Variants in SPIN1 observed in about 807,000 individuals in gnomAD.
SPIN1 encodes the protein spindlin-1.
In SPIN1, 3 loss-of-function variants were observed where a neutral mutation model predicts 26.0. The observed-to-expected ratio is 0.12, with a 90% CI of 0.05 to 0.30. SPIN1 has a LOEUF of 0.30. Ranked by LOEUF, SPIN1 falls within the 10% of genes least tolerant of loss-of-function variation. SPIN1 has a pLI of 1.00. For synonymous variants in SPIN1, 101 were observed against 116.5 expected, an observed-to-expected ratio of 0.87 and a Z score of 0.86; for missense variants, 126 against 333.4, an observed-to-expected ratio of 0.38 and a Z score of 4.84.
intron 1 of SPIN1, among the ~76,000 whole-genome samples, chr9:88,410,278 T>A (rs1399426325): frequency 6.6e-6 from 1 of 151,948 alleles, no homozygotes; most frequent in Non-Finnish European, 1.5e-5. Context: ...AAAAAAAATC[T>A]ACATTAAAAC....
chr9:88,415,375 C>G (rs1162756509), intron 1 of SPIN1, among the ~76,000 whole-genome samples: 1 of 152,116 alleles, frequency 6.6e-6, no homozygotes, highest in Non-Finnish European at 1.5e-5. Flanking sequence ...TAGCTAAAGG[C>G]AGAACCTACA....
intron 3 of SPIN1, 68 bp downstream of exon 3, chr9:88,449,057 C>A: frequency 6.6e-7 from 1 of 1,511,536 alleles, no homozygotes; most frequent in Non-Finnish European, 9.2e-7. Context: ...TACAAGATCA[C>A]CTAGGTAAGG....
chr9:88,466,139 C>T (rs1050895810), intron 4 of SPIN1, among the ~76,000 whole-genome samples: 10 of 151,956 alleles, frequency 6.6e-5, no homozygotes, highest in Admixed American at 3.3e-4. Context: ...TTTTTTAGGT[C>T]TGTAGTAATT....
At chr9:88,399,710 G>C (rs1189138392) in intron 1 of SPIN1, among the ~76,000 whole-genome samples, 2 of 152,128 alleles carry the variant, frequency 1.3e-5, no homozygotes, top group Non-Finnish European at 2.9e-5. Flanking sequence ...GCACCCTTCA[G>C]TTGCTGCACA....
chr9:88,416,735 T>C (rs1468422943), intron 1 of SPIN1: 1 of 152,312 alleles, frequency 6.6e-6, no homozygotes, highest in Non-Finnish European at 1.5e-5. Flanking sequence ...GTGATTCTCC[T>C]GCCTCAGCCT....
chr9:88,460,764 C>G (rs532693778), intron 3 of SPIN1, among the ~76,000 whole-genome samples: 4 of 152,272 alleles, frequency 2.6e-5, no homozygotes, highest in Admixed American at 6.5e-5. Flanking sequence ...TTATGGCCAC[C>G]CACATTGGTG....
chr9:88,398,503 T>A (rs1827116372), intron 1 of SPIN1, among the ~76,000 whole-genome samples: 1 of 151,850 alleles, frequency 6.6e-6, no homozygotes, highest in Non-Finnish European at 1.5e-5. Context: ...AAATTGAGGG[T>A]GTCTGGTTGG....
At chr9:88,431,255 ACTC>A (rs1827864136) in intron 2 of SPIN1, among the ~76,000 whole-genome samples, 1 of 147,430 alleles carries the variant, frequency 6.8e-6, no homozygotes, top group Non-Finnish European at 1.5e-5. Context: ...TGTACCTACT[ACTC>A]AAATTTAACA....
intron 5 of SPIN1, among the ~76,000 whole-genome samples, chr9:88,470,864 G>T (rs190847987): frequency 6.6e-6 from 1 of 152,230 alleles, no homozygotes; most frequent in South Asian, 2.1e-4. Context: ...AAAGGGCCGG[G>T]ATTACAGACA....
intron 4 of SPIN1, among the ~76,000 whole-genome samples, chr9:88,463,295 T>C (rs1828606384): frequency 6.6e-6 from 1 of 152,232 alleles, no homozygotes; most frequent in African/African-American, 2.4e-5. Context: ...GCCCTGCAAG[T>C]GTTCCTTAAG....
rs1185460638 is a variant in SPIN1, at chr9:88,429,678, G to C, written c.52+3087G>C. ...CTATCTGGAAGCTCTTCTAAACTCTGTCTTTTGTGGTTTTTATGGAAGCTT... is the reference window on the plus strand; with the variant it reads ...CTATCTGGAAGCTCTTCTAAACTCTCTCTTTTGTGGTTTTTATGGAAGCTT... On this transcript the variant is annotated intron_variant, in intron 2 of 5. Transcript: ENST00000375859. Among the ~76,000 whole-genome samples, 10 of 152,260 alleles carry C rather than the reference G, an allele frequency of 6.6e-5. No individual in the cohort carries two copies. In the East Asian group the frequency reaches 1.9e-3, roughly 29 times the overall value.
chr9:88,405,997 T>TTGTGTGTG (rs1212598381), intron 1 of SPIN1, among the ~76,000 whole-genome samples: 3 of 138,840 alleles, frequency 2.2e-5, no homozygotes, highest in African/African-American at 8.0e-5. Flanking sequence ...CGTGCCTGGC[T>TTGTGTGTG]TGTGTGTCTG....
At chr9:88,405,663 C>T (rs1199947590) in intron 1 of SPIN1, among the ~76,000 whole-genome samples, 2 of 151,444 alleles carry the variant, frequency 1.3e-5, no homozygotes, top group Admixed American at 6.6e-5. Context: ...TCTGCCTCAG[C>T]CTCCTGAGTA....
At chr9:88,454,838 C>T (rs1828438444) in intron 3 of SPIN1, among the ~76,000 whole-genome samples, 1 of 152,214 alleles carries the variant, frequency 6.6e-6, no homozygotes, top group Non-Finnish European at 1.5e-5. Flanking sequence ...GCAGCTTGTG[C>T]ATTCAAGCCC....
Position 88,478,065 on chromosome 9 carries a change from A to G in SPIN1, c.*2788A>G, listed in dbSNP as rs1828919194. 1 of 152,150 alleles carries G rather than the reference A, an allele frequency of 6.6e-6. No individual in the cohort carries two copies. Among genetic ancestry groups the G allele is most frequent in the Admixed American group, 6.5e-5 (1 of 15,272 alleles). 9.4% of individuals were successfully genotyped at this position (152,150 alleles called of 1,614,324 possible). A position where few individuals can be genotyped will look rare whatever the true frequency, so the allele number is the denominator to read the frequency against. ...GCCGTTTTAGTGGTTTTAGGATAAA[A>G]ATGCACTGGTGAAGCAAATGTAGTG... On this transcript the variant is annotated 3_prime_UTR_variant, in exon 6 of 6. Transcript: ENST00000375859.
At chr9:88,435,309 G>C (rs186716159) in intron 2 of SPIN1, among the ~76,000 whole-genome samples, 53 of 151,652 alleles carry the variant, frequency 3.5e-4, no homozygotes, top group Non-Finnish European at 5.4e-4. Context: ...TCGACCTCCT[G>C]GACTCAAGCG....
chr9:88,425,698 A>G (rs921215917), intron 1 of SPIN1, among the ~76,000 whole-genome samples: 2 of 151,668 alleles, frequency 1.3e-5, no homozygotes, highest in African/African-American at 2.4e-5. Flanking sequence ...AAGATACACT[A>G]CTTCCATAAA....
At chr9:88,430,079 A>G (rs761697900) in intron 2 of SPIN1, among the ~76,000 whole-genome samples, 4 of 152,224 alleles carry the variant, frequency 2.6e-5, no homozygotes, top group Non-Finnish European at 5.9e-5. Context: ...TGCTGCTTCT[A>G]AGTCCCTGTA....
chr9:88,435,375 C>T (rs893200468), intron 2 of SPIN1, among the ~76,000 whole-genome samples: 2 of 151,898 alleles, frequency 1.3e-5, no homozygotes, highest in South Asian at 2.1e-4. Flanking sequence ...CCACCACACC[C>T]GGCTAATTTT....
Sources: gnomAD v4.1 joint callset for allele counts (sites outside exome capture counted in the v4.1 genomes callset) on GRCh38, gnomAD v4.1.1 for gene constraint, MANE v1.5 for transcripts, NCBI Gene and HGNC (gene_info 2026-07-23, HGNC 2026-07-21) for gene names.